Variants in COMMD8 observed in about 807,000 individuals in gnomAD.
The protein encoded by COMMD8 is COMM domain containing 8.
COMMD8 carries 28 observed loss-of-function variants against 27.2 expected under a neutral mutation model. The ratio of observed to expected loss-of-function variants is 1.03; its 90% CI spans 0.76 to 1.41. The LOEUF is 1.41. Ranked by LOEUF, COMMD8 falls within the 40% of genes most tolerant of loss-of-function variation. The probability of loss-of-function intolerance (pLI) is 0.00; values close to 1 mark genes in which losing one functional copy is unlikely to be tolerated. For missense variants in COMMD8, 217 were observed against 211.2 expected (o/e 1.03, Z -0.17); for synonymous variants, 79 against 75.5 (o/e 1.05, Z -0.24).
intron 2 of COMMD8, among the ~76,000 whole-genome samples, chr4:47,459,122 T>C (rs931871892): frequency 6.6e-6 from 1 of 152,118 alleles, no homozygotes; most frequent in South Asian, 2.1e-4. Context: ...ATTAATAGTA[T>C]TAGCCAGCAA....
At chr4:47,463,347 T>C (rs1318812421) in intron 1 of COMMD8, among the ~76,000 whole-genome samples, 2 of 152,248 alleles carry the variant, frequency 1.3e-5, no homozygotes, top group Non-Finnish European at 2.9e-5. Flanking sequence ...CCCAGTCTGG[T>C]GTGGGCGCTT....
intron 1 of COMMD8, 79 bp from the exon 2 acceptor site, chr4:47,460,378 T>A (rs1729995042): frequency 2.5e-6 from 3 of 1,199,958 alleles, no homozygotes; most frequent in Non-Finnish European, 3.6e-6. Flanking sequence ...CAAACAAATG[T>A]TGGGAGATGT....
chr4:47,456,092 CA>C (rs1316290260), intron 3 of COMMD8, among the ~76,000 whole-genome samples: 2 of 151,544 alleles, frequency 1.3e-5, no homozygotes, highest in African/African-American at 4.8e-5. Context: ...ACCAAAGATA[CA>C]AAAATTAGCC....
intron 3 of COMMD8, among the ~76,000 whole-genome samples, chr4:47,455,167 C>A (rs181842382): frequency 1.3e-5 from 2 of 151,942 alleles, no homozygotes; most frequent in African/African-American, 4.8e-5. Flanking sequence ...GCACACACCA[C>A]AACACCCAGC....
intron 3 of COMMD8, among the ~76,000 whole-genome samples, chr4:47,456,298 A>ATATATATATATATATG (rs1430343028): frequency 7.6e-6 from 1 of 131,168 alleles, no homozygotes; most frequent in African/African-American, 2.9e-5. Flanking sequence ...ATATATATAT[A>ATATATATATATATATG]TATGTATATG....
At chr4:47,459,860 C>T (rs1238186072) in intron 2 of COMMD8, 3 of 248,802 alleles carry the variant, frequency 1.2e-5, no homozygotes, top group Non-Finnish European at 2.3e-5. Context: ...AACAAACACA[C>T]ACATTGCAAA....
In COMMD8 at chr4:47,451,529, T is replaced by G; in HGVS notation, c.*116A>C. The G allele has an allele frequency of 1.3e-6, 1 of 777,814 alleles. No individual in the cohort carries two copies. Among genetic ancestry groups the G allele is most frequent in the Admixed American group, 2.4e-5 (1 of 41,580 alleles). The allele number at this position is 777,814 out of a possible 1,614,324, so 48.2% of individuals were successfully genotyped here. On this transcript the variant is annotated 3_prime_UTR_variant, in exon 5 of 5. Coordinates refer to ENST00000381571, the MANE Select transcript of COMMD8 (RefSeq NM_017845.5). The stretch of plus-strand genomic sequence containing the variant: ...ATCTTTATAATATCAATATTGCTGC[T>G]TTCTCAGCCTGGTGCAACAGTCAAG...
At chr4:47,452,954 C>T (rs554591100) in intron 4 of COMMD8, 105 bp downstream of exon 4, 19 of 953,876 alleles carry the variant, frequency 2.0e-5, no homozygotes, top group Middle Eastern at 5.6e-4. Flanking sequence ...CGAGTTCGCG[C>T]CGTTGCCCCT....
intron 2 of COMMD8, among the ~76,000 whole-genome samples, chr4:47,457,304 T>C (rs533099844): frequency 6.6e-6 from 1 of 152,250 alleles, no homozygotes; most frequent in Admixed American, 6.5e-5. Flanking sequence ...ACAACAATCA[T>C]AAATCCCTCT....
chr4:47,456,144 G>C (rs1729878646), intron 3 of COMMD8, among the ~76,000 whole-genome samples: 1 of 151,762 alleles, frequency 6.6e-6, no homozygotes, highest in South Asian at 2.1e-4. Flanking sequence ...CTACTCAGGG[G>C]GCTGAGGCAG....
Position 47,463,647 on chromosome 4 carries a change from T to G in COMMD8, c.5A>C (p.Glu2Ala). M[E>A]PEEGTPLWRL... ...CCACAAGGGCGTCCCCTCTTCCGGC[T>G]CCATCCCTGCGCGAAGCTGGGGCTT... The change falls in exon 1 of 5, where the codon GAG (glutamate) becomes GCG (alanine). Residue 2 changes from glutamate (E) to alanine (A), a missense_variant. Coordinates refer to ENST00000381571, the MANE Select transcript of COMMD8 (RefSeq NM_017845.5). 2.6e-6 allele frequency: 4 copies of G among 1,549,104 alleles called. No homozygotes were observed. The highest frequency in any genetic ancestry group is 3.5e-6 in the Non-Finnish European group (4 of 1,146,194).
chr4:47,458,297 G>C (rs1197473683), intron 2 of COMMD8, among the ~76,000 whole-genome samples: 3 of 151,924 alleles, frequency 2.0e-5, no homozygotes. Flanking sequence ...ATAAATGAAA[G>C]ATGTTAAAGT....
chr4:47,459,975 C>T, intron 2 of COMMD8, 169 bp downstream of exon 2: 3 of 500,280 alleles, frequency 6.0e-6, no homozygotes, highest in South Asian at 4.3e-5. Flanking sequence ...TAAAAACAAC[C>T]AAAAACAAAA....
intron 3 of COMMD8, among the ~76,000 whole-genome samples, chr4:47,454,725 C>A (rs914083968): frequency 6.6e-6 from 1 of 151,666 alleles, no homozygotes; most frequent in Admixed American, 6.6e-5. Context: ...ATTAGCCAGG[C>A]GTGGTGGCAC....
chr4:47,456,553 A>C (rs757644372), intron 3 of COMMD8, 24 bp downstream of exon 3: 1 of 1,521,696 alleles, frequency 6.6e-7, no homozygotes, highest in Admixed American at 2.4e-5. Flanking sequence ...GAAATAAAAA[A>C]TACACATACT....
Position 47,451,939 on chromosome 4 carries a change from C to T in COMMD8, c.532-274G>A, listed in dbSNP as rs10938484. Among the ~76,000 whole-genome samples, 43,790 of 151,934 alleles carry T rather than the reference C, an allele frequency of 0.29. 6,409 individuals are homozygous for T. The highest frequency in any genetic ancestry group is 0.36 in the Middle Eastern group (105 of 294). ...TCGTTTGGTTAATAGGCATGTGGAC[C>T]GGTAATCAAAGCACTACAATGTTTG... On this transcript the variant is annotated intron_variant, in intron 4 of 4. Transcript: ENST00000381571.
intron 2 of COMMD8, among the ~76,000 whole-genome samples, chr4:47,458,103 A>G (rs534722367): frequency 1.3e-5 from 2 of 152,192 alleles, no homozygotes; most frequent in African/African-American, 4.8e-5. Context: ...CAGCAAAGTT[A>G]GAATTGTAGG....
At chr4:47,462,978 C>T (rs1444177339) in intron 1 of COMMD8, among the ~76,000 whole-genome samples, 1 of 152,190 alleles carries the variant, frequency 6.6e-6, no homozygotes, top group Non-Finnish European at 1.5e-5. Flanking sequence ...TCACCATTTA[C>T]CTCATCCCAT....
chr4:47,459,069 A>C (rs73813543), intron 2 of COMMD8, among the ~76,000 whole-genome samples: 2,292 of 152,242 alleles, frequency 0.015, 54 homozygotes, highest in African/African-American at 0.052. Flanking sequence ...GAATACATCC[A>C]AGAATCTTCA....
Sources: gnomAD v4.1 joint callset for allele counts (sites outside exome capture counted in the v4.1 genomes callset) on GRCh38, gnomAD v4.1.1 for gene constraint, MANE v1.5 for transcripts, NCBI Gene and HGNC (gene_info 2026-07-23, HGNC 2026-07-21) for gene names.